ALK: variants seen among roughly 807,000 people sequenced by gnomAD.
ALK encodes the protein ALK receptor tyrosine kinase.
Under a neutral mutation model 163.1 loss-of-function variants are expected in ALK, and 74 were observed. The observed-to-expected ratio is 0.45, with a 90% CI of 0.38 to 0.55. The LOEUF (loss-of-function observed/expected upper bound fraction) is 0.55, where lower values mean the gene tolerates loss of function less well. Ranked by LOEUF, ALK falls within the 20% of genes least tolerant of loss-of-function variation. ALK has a pLI of 0.00. For synonymous variants in ALK, 960 were observed against 843.2 expected (o/e 1.14, Z -2.40); for missense variants, 2,063 against 2,105.3 (o/e 0.98, Z 0.39).
At chr2:29,506,957 C>T (rs1378290240) in intron 4 of ALK, among the ~76,000 whole-genome samples, 1 of 152,136 alleles carries the variant, frequency 6.6e-6, no homozygotes, top group Non-Finnish European at 1.5e-5. Flanking sequence ...ACTATGGAAA[C>T]ATCATGGTAA....
intron 8 of ALK, among the ~76,000 whole-genome samples, chr2:29,300,394 C>T (rs994426234): frequency 2.0e-5 from 3 of 151,818 alleles, no homozygotes; most frequent in Non-Finnish European, 4.4e-5. Flanking sequence ...ACTAAAAATA[C>T]AAAAATTAGC....
intron 4 of ALK, among the ~76,000 whole-genome samples, chr2:29,513,770 C>G (rs1196924718): frequency 6.8e-6 from 1 of 146,790 alleles, no homozygotes; most frequent in Non-Finnish European, 1.5e-5. Flanking sequence ...GGCTAATATC[C>G]AGAATCTACA....
chr2:29,386,160 A>G (rs1448227484), intron 4 of ALK, among the ~76,000 whole-genome samples: 1 of 152,216 alleles, frequency 6.6e-6, no homozygotes, highest in Admixed American at 6.6e-5. Context: ...TGTCTGCTGA[A>G]TGAAGGAGGT....
intron 3 of ALK, among the ~76,000 whole-genome samples, chr2:29,582,486 A>T (rs1412436417): frequency 6.6e-6 from 1 of 152,176 alleles, no homozygotes; most frequent in Non-Finnish European, 1.5e-5. Context: ...GATGTGACAG[A>T]TTGTTCAGAT....
chr2:29,391,307 G>GC (rs771041035), intron 4 of ALK, among the ~76,000 whole-genome samples: 2 of 117,074 alleles, frequency 1.7e-5, no homozygotes, highest in Admixed American at 8.7e-5. Flanking sequence ...CTTTTTTTTG[G>GC]GGGGGGGGTG....
chr2:29,466,443 T>C (rs1345642114), intron 4 of ALK, among the ~76,000 whole-genome samples: 2 of 152,198 alleles, frequency 1.3e-5, no homozygotes, highest in Non-Finnish European at 2.9e-5. Context: ...TGCACAATAA[T>C]TTTCAAACAC....
At chr2:29,328,972 C>T (rs945081665) in intron 5 of ALK, among the ~76,000 whole-genome samples, 1 of 152,222 alleles carries the variant, frequency 6.6e-6, no homozygotes, top group Non-Finnish European at 1.5e-5. Flanking sequence ...AAAGATGCAG[C>T]ACTTTCTGTT....
At chr2:29,253,788 G>A (rs182067689) in intron 11 of ALK, among the ~76,000 whole-genome samples, 62 of 152,102 alleles carry the variant, frequency 4.1e-4, no homozygotes, top group African/African-American at 1.4e-3. Context: ...GGGCAGAAGC[G>A]TGGCAGTTTA....
intron 1 of ALK, among the ~76,000 whole-genome samples, chr2:29,840,907 C>A (rs1397891693): frequency 6.6e-6 from 1 of 152,160 alleles, no homozygotes; most frequent in South Asian, 2.1e-4. Flanking sequence ...TAAATAAAGT[C>A]AAGATTTCAA....
chr2:29,612,437 T>C (rs1675723006), intron 3 of ALK, among the ~76,000 whole-genome samples: 2 of 152,204 alleles, frequency 1.3e-5, no homozygotes, highest in South Asian at 2.1e-4. Context: ...CAGGGTTCCA[T>C]GCTGAAGATA....
chr2:29,677,682 T>G (rs547290538), intron 3 of ALK, among the ~76,000 whole-genome samples: 4 of 152,212 alleles, frequency 2.6e-5, no homozygotes, highest in Admixed American at 2.6e-4. Context: ...ATATGGTTTG[T>G]AATATTTTGT....
At chr2:29,209,311 C>G (rs955593112) in intron 25 of ALK, among the ~76,000 whole-genome samples, 2 of 152,016 alleles carry the variant, frequency 1.3e-5, no homozygotes, top group Non-Finnish European at 1.5e-5. Context: ...GAAGCTGAGG[C>G]GGGCAGATCA....
At chr2:29,400,806 C>G (rs1669426212) in intron 4 of ALK, among the ~76,000 whole-genome samples, 1 of 152,038 alleles carries the variant, frequency 6.6e-6, no homozygotes, top group African/African-American at 2.4e-5. Flanking sequence ...GAAACCCTGT[C>G]TCTACTAAAA....
At chr2:29,701,720 C>G (rs921544151) in intron 2 of ALK, among the ~76,000 whole-genome samples, 1 of 152,124 alleles carries the variant, frequency 6.6e-6, no homozygotes, top group African/African-American at 2.4e-5. Flanking sequence ...GCCAAGGACT[C>G]ACTGGGGCTG....
intron 1 of ALK, among the ~76,000 whole-genome samples, chr2:29,807,779 A>G (rs888930582): frequency 6.6e-6 from 1 of 152,238 alleles, no homozygotes; most frequent in Admixed American, 6.5e-5. Flanking sequence ...AATCCATACT[A>G]TTGTTGTTAT....
chr2:29,623,848 A>G (rs1280162306), intron 3 of ALK, among the ~76,000 whole-genome samples: 1 of 152,248 alleles, frequency 6.6e-6, no homozygotes, highest in Non-Finnish European at 1.5e-5. Context: ...TAAAAATTTT[A>G]GAAATTTTAT....
intron 26 of ALK, among the ~76,000 whole-genome samples, chr2:29,200,811 GTA>G: frequency 1.3e-5 from 1 of 78,032 alleles, no homozygotes; most frequent in South Asian, 3.7e-4. Context: ...ATATATGTGT[GTA>G]TATACATATA....
chr2:29,202,918 T>C (rs911139081), intron 26 of ALK, among the ~76,000 whole-genome samples: 8 of 152,222 alleles, frequency 5.3e-5, no homozygotes, highest in South Asian at 2.1e-4. Context: ...CTAATGTATT[T>C]ACTTAAAAAT....
intron 11 of ALK, among the ~76,000 whole-genome samples, chr2:29,255,337 C>A (rs1664924097): frequency 6.6e-6 from 1 of 152,192 alleles, no homozygotes; most frequent in Non-Finnish European, 1.5e-5. Context: ...GGGACCTTGG[C>A]AATCTCTGAA....
Sources: allele counts gnomAD v4.1 joint callset (sites outside exome capture counted in the v4.1 genomes callset), GRCh38; gene constraint gnomAD v4.1.1; transcripts MANE v1.5; gene names NCBI Gene and HGNC (gene_info 2026-07-23, HGNC 2026-07-21).